The following HACE1 variants were observed in gnomAD, a reference collection of about 807,000 sequenced individuals.
HACE1 encodes the protein E3 ubiquitin-protein ligase HACE1.
HACE1 carries 73 observed loss-of-function variants against 118.4 expected under a neutral mutation model. The observed-to-expected ratio is 0.62, with a 90% CI of 0.51 to 0.75. HACE1 has a LOEUF of 0.75. Ranked by LOEUF, HACE1 falls within the 30% of genes least tolerant of loss-of-function variation. The pLI, the probability that HACE1 is intolerant of heterozygous loss-of-function variation, is 0.00. For synonymous variants in HACE1, 368 were observed against 374.8 expected, an observed-to-expected ratio of 0.98 and a Z score of 0.21; for missense variants, 749 against 1,102.2, an observed-to-expected ratio of 0.68 and a Z score of 4.54.
At chr6:104,748,108 A>C (rs902211293) in intron 20 of HACE1, among the ~76,000 whole-genome samples, 1 of 152,122 alleles carries the variant, frequency 6.6e-6, no homozygotes, top group Non-Finnish European at 1.5e-5. Context: ...CAAAACAAAA[A>C]AAACTGATAA....
intron 7 of HACE1, among the ~76,000 whole-genome samples, chr6:104,810,825 AT>A (rs975771390): frequency 2.5e-4 from 38 of 151,636 alleles, no homozygotes; most frequent in African/African-American, 9.2e-4. Flanking sequence ...CTGACTCAAG[AT>A]TTTTTTTTGG....
intron 11 of HACE1, among the ~76,000 whole-genome samples, chr6:104,790,880 T>C (rs1782957388): frequency 6.6e-6 from 1 of 151,848 alleles, no homozygotes; most frequent in Non-Finnish European, 1.5e-5. Flanking sequence ...CTATTCATTT[T>C]GTTTACTTCA....
chr6:104,859,455 C>G, intron 1 of HACE1, 112 bp downstream of exon 1: 1 of 817,564 alleles, frequency 1.2e-6, no homozygotes, highest in Non-Finnish European at 1.8e-6. Context: ...TAAAAGTGGG[C>G]GTTTTCTCAG....
chr6:104,799,985 A>G (rs1362334605), intron 7 of HACE1, among the ~76,000 whole-genome samples: 1 of 152,154 alleles, frequency 6.6e-6, no homozygotes. Flanking sequence ...GACTACCTGG[A>G]AAAACGGGAC....
At chr6:104,766,694 A>G (rs998034294) in intron 19 of HACE1, 3 of 152,372 alleles carry the variant, frequency 2.0e-5, no homozygotes, top group African/African-American at 4.8e-5. Context: ...GTAAATGAGA[A>G]GCCTAGCAGT....
At chr6:104,821,238 A>C (rs964296434) in intron 6 of HACE1, among the ~76,000 whole-genome samples, 1 of 152,154 alleles carries the variant, frequency 6.6e-6, no homozygotes, top group African/African-American at 2.4e-5. Context: ...ACTAATGTAT[A>C]CTAGGCTACC....
At chr6:104,743,778 G>C (rs1256383211) in intron 22 of HACE1, among the ~76,000 whole-genome samples, 1 of 151,808 alleles carries the variant, frequency 6.6e-6, no homozygotes, top group Non-Finnish European at 1.5e-5. Flanking sequence ...GAGTTAACCA[G>C]GATAAACTGA....
Position 104,848,922 on chromosome 6 carries a change from T to G in HACE1, c.326+220A>C, listed in dbSNP as rs561242541. Among the ~76,000 whole-genome samples, 12 of 152,274 alleles carry G rather than the reference T, an allele frequency of 7.9e-5. No individual in the cohort carries two copies. The South Asian group carries it at 2.3e-3, about 29-fold the overall frequency. ...AATTAATAAATATGATAGCTATTTT[T>G]AAATTGAATATAATGACCCCAGATC... On this transcript the variant is annotated intron_variant, in intron 4 of 23. Transcript: ENST00000262903.
intron 22 of HACE1, among the ~76,000 whole-genome samples, chr6:104,733,513 C>T (rs1047711788): frequency 3.9e-5 from 6 of 152,016 alleles, no homozygotes; most frequent in African/African-American, 4.8e-5. Flanking sequence ...TTAGATTATA[C>T]AGTATAAAAT....
intron 20 of HACE1, among the ~76,000 whole-genome samples, chr6:104,745,952 T>C (rs1443076736): frequency 6.6e-6 from 1 of 152,196 alleles, no homozygotes; most frequent in Admixed American, 6.5e-5. Flanking sequence ...GTTTTCTTCA[T>C]ATATTTCAAC....
intron 19 of HACE1, among the ~76,000 whole-genome samples, chr6:104,762,195 C>G (rs1410714941): frequency 2.0e-5 from 3 of 152,194 alleles, no homozygotes; most frequent in Admixed American, 2.0e-4. Context: ...GATCCCATTA[C>G]TGGGTATATA....
intron 14 of HACE1, among the ~76,000 whole-genome samples, chr6:104,780,195 A>G (rs1781582855): frequency 6.6e-6 from 1 of 152,164 alleles, no homozygotes; most frequent in Non-Finnish European, 1.5e-5. Flanking sequence ...AATGTGAACC[A>G]AGAAATAAAA....
At chr6:104,772,179 A>G (rs767125120) in intron 17 of HACE1, 105 bp from the exon 18 acceptor site, 4 of 674,290 alleles carry the variant, frequency 5.9e-6, no homozygotes, top group Non-Finnish European at 1.0e-5. Context: ...AGCAAAGCTA[A>G]GGTTACATTA....
At chr6:104,804,296 A>C (rs1253104472) in intron 7 of HACE1, among the ~76,000 whole-genome samples, 2 of 152,226 alleles carry the variant, frequency 1.3e-5, no homozygotes, top group Non-Finnish European at 2.9e-5. Flanking sequence ...TGCCCAAGGT[A>C]ATTTACAGAT....
At chr6:104,763,620 A>G (rs991563930) in intron 19 of HACE1, among the ~76,000 whole-genome samples, 7 of 152,140 alleles carry the variant, frequency 4.6e-5, no homozygotes, top group Non-Finnish European at 1.0e-4. Flanking sequence ...CATACCATTA[A>G]TACAGTGAAA....
chr6:104,840,418 G>C (rs1582730258), intron 5 of HACE1, among the ~76,000 whole-genome samples: 1 of 152,170 alleles, frequency 6.6e-6, no homozygotes. Context: ...GGCTGAAAAA[G>C]AGAACAATAG....
At chr6:104,851,836 G>A (rs1448420540) in intron 2 of HACE1, among the ~76,000 whole-genome samples, 1 of 152,124 alleles carries the variant, frequency 6.6e-6, no homozygotes, top group Non-Finnish European at 1.5e-5. Context: ...ACTGGTGTAA[G>A]TGTAAAGACC....
At chr6:104,762,903 T>C (rs1055837262) in intron 19 of HACE1, among the ~76,000 whole-genome samples, 10 of 140,994 alleles carry the variant, frequency 7.1e-5, no homozygotes. Context: ...GGCAGGAAAA[T>C]GGTGTGAACC....
chr6:104,827,220 A>AAAAGGAATAG (rs1264903329), intron 6 of HACE1, among the ~76,000 whole-genome samples: 2 of 152,214 alleles, frequency 1.3e-5, no homozygotes, highest in African/African-American at 4.8e-5. Context: ...GATCAAAGTA[A>AAAAGGAATAG]AAAGGAATAG....
Sources: gnomAD v4.1 joint callset for allele counts (sites outside exome capture counted in the v4.1 genomes callset) on GRCh38, gnomAD v4.1.1 for gene constraint, MANE v1.5 for transcripts, NCBI Gene and HGNC (gene_info 2026-07-23, HGNC 2026-07-21) for gene names.